TAB2: variants seen among roughly 807,000 people sequenced by gnomAD.
TAB2 encodes TGF-beta-activated kinase 1 and MAP3K7-binding protein 2.
Under a neutral mutation model 65.0 loss-of-function variants are expected in TAB2, and 3 were observed. The ratio of observed to expected loss-of-function variants is 0.05; its 90% confidence interval spans 0.02 to 0.12. The LOEUF is 0.12. TAB2 is among the 10% of genes least tolerant of loss of function. The pLI is 1.00. For synonymous variants in TAB2, 298 were observed against 285.1 expected, an observed-to-expected ratio of 1.05 and a Z score of -0.46; for missense variants, 623 against 840.3, an observed-to-expected ratio of 0.74 and a Z score of 3.20.
At chr6:149,307,021 TCA>T (rs1337947253) in intron 1 of TAB2, among the ~76,000 whole-genome samples, 1 of 152,126 alleles carries the variant, frequency 6.6e-6, no homozygotes, top group Non-Finnish European at 1.5e-5. Context: ...CTATATGAAA[TCA>T]CAGATTCCTT....
At chr6:149,226,053 G>A (rs1344709375) in intron 1 of TAB2, among the ~76,000 whole-genome samples, 2 of 152,074 alleles carry the variant, frequency 1.3e-5, no homozygotes, top group East Asian at 3.9e-4. Flanking sequence ...AACTGCCCCA[G>A]GACAAAAGCG....
At chr6:149,229,282 T>C (rs144999301) in intron 1 of TAB2, among the ~76,000 whole-genome samples, 38 of 152,160 alleles carry the variant, frequency 2.5e-4, no homozygotes, top group African/African-American at 9.2e-4. Context: ...AACACAAGAA[T>C]AAGGCTGAAA....
At chr6:149,373,667 G>A (rs1781304974) in intron 2 of TAB2, among the ~76,000 whole-genome samples, 1 of 152,156 alleles carries the variant, frequency 6.6e-6, no homozygotes. Flanking sequence ...AGAGGAACTG[G>A]AATTAATGAT....
At chr6:149,357,430 A>AAAAAAAAACACACAC in intron 1 of TAB2, among the ~76,000 whole-genome samples, 108 of 111,170 alleles carry the variant, frequency 9.7e-4, no homozygotes, top group East Asian at 2.8e-3. Context: ...AGAAAAAAAA[A>AAAAAAAAACACACAC]ACACACACAC....
chr6:149,392,412 A>T (rs1782019465), intron 3 of TAB2, among the ~76,000 whole-genome samples: 1 of 152,296 alleles, frequency 6.6e-6, no homozygotes, highest in Admixed American at 6.5e-5. Flanking sequence ...ATTTTCTTCA[A>T]CTATGAGGTG....
At chr6:149,365,641 C>A (rs551499774) in intron 1 of TAB2, among the ~76,000 whole-genome samples, 1 of 152,102 alleles carries the variant, frequency 6.6e-6, no homozygotes, top group East Asian at 1.9e-4. Flanking sequence ...TATTTTAAAT[C>A]TGTAAATTTA....
intron 1 of TAB2, among the ~76,000 whole-genome samples, chr6:149,232,596 G>A (rs190289448): frequency 9.2e-5 from 14 of 152,254 alleles, no homozygotes; most frequent in African/African-American, 3.1e-4. Context: ...GAACAAGGCC[G>A]ATGACAGGAA....
intron 1 of TAB2, among the ~76,000 whole-genome samples, chr6:149,362,836 AAAT>A (rs1562434575): frequency 6.6e-6 from 1 of 152,094 alleles, no homozygotes; most frequent in Admixed American, 6.6e-5. Context: ...GTTTTCTAGA[AAAT>A]AATTCATCTA....
intron 1 of TAB2, among the ~76,000 whole-genome samples, chr6:149,339,893 T>C (rs1182850747): frequency 2.0e-5 from 3 of 152,160 alleles, no homozygotes; most frequent in Non-Finnish European, 4.4e-5. Context: ...CCGGCCTCAA[T>C]AATTACTCTT....
At chr6:149,339,854 C>G (rs1291997501) in intron 1 of TAB2, among the ~76,000 whole-genome samples, 1 of 152,132 alleles carries the variant, frequency 6.6e-6, no homozygotes, top group African/African-American at 2.4e-5. Context: ...CCACCCGCCT[C>G]AGCCTCCCAA....
intron 6 of TAB2, 118 bp from the exon 7 acceptor site, chr6:149,409,459 C>T (rs1782770681): frequency 1.1e-6 from 1 of 879,208 alleles, no homozygotes; most frequent in African/African-American, 1.7e-5. Context: ...CAGCTAGATG[C>T]CCCATTTGGG....
intron 1 of TAB2, among the ~76,000 whole-genome samples, chr6:149,303,203 T>C (rs187120145): frequency 3.9e-5 from 6 of 152,370 alleles, no homozygotes; most frequent in Admixed American, 3.3e-4. Context: ...TTTCATTATA[T>C]ATTACAATGC....
intron 3 of TAB2, among the ~76,000 whole-genome samples, chr6:149,388,259 A>G (rs1229367574): frequency 1.3e-5 from 2 of 152,206 alleles, no homozygotes; most frequent in African/African-American, 2.4e-5. Context: ...CCAAGGAAAC[A>G]TAGTGGGTGA....
chr6:149,376,929 A>C lies in TAB2; in HGVS notation c.103-1089A>C, dbSNP rs557066144. 5.4e-5 allele frequency among the ~76,000 whole-genome samples: 8 copies of C among 148,812 alleles called. No individual in the cohort carries two copies. In the East Asian group the frequency reaches 1.6e-3, roughly 30 times the overall value. ...AGTAGATTTTTATGATGTTATCTAA[A>C]GGCAGAGATAGGAGCTAGTTCTTCT... is the stretch of plus-strand genomic sequence containing the variant. On this transcript the variant is annotated intron_variant, in intron 2 of 6. Coordinates refer to ENST00000637181, the MANE Select transcript of TAB2 (RefSeq NM_001292034.3).
At chr6:149,333,553 A>G (rs114268720) in intron 1 of TAB2, among the ~76,000 whole-genome samples, 33 of 152,274 alleles carry the variant, frequency 2.2e-4, no homozygotes, top group African/African-American at 7.7e-4. Flanking sequence ...TGGTAGATGT[A>G]TAGGCCAAGT....
chr6:149,393,796 A>G (rs924918511), intron 3 of TAB2, among the ~76,000 whole-genome samples: 1 of 151,664 alleles, frequency 6.6e-6, no homozygotes, highest in Admixed American at 6.5e-5. Context: ...TCCTTTTATC[A>G]TTAAGTAAAG....
At chr6:149,359,811 C>A (rs1486552137) in intron 1 of TAB2, among the ~76,000 whole-genome samples, 1 of 152,158 alleles carries the variant, frequency 6.6e-6, no homozygotes, top group Non-Finnish European at 1.5e-5. Flanking sequence ...CAAAGTCAAT[C>A]ATTTTTTCAT....
At chr6:149,353,890 G>C (rs1442669506) in intron 1 of TAB2, among the ~76,000 whole-genome samples, 1 of 152,054 alleles carries the variant, frequency 6.6e-6, no homozygotes, top group Admixed American at 6.6e-5. Flanking sequence ...TTGTGTATTT[G>C]TGTGTGTATA....
chr6:149,251,324 C>A (rs1013862674), intron 1 of TAB2, among the ~76,000 whole-genome samples: 1 of 152,188 alleles, frequency 6.6e-6, no homozygotes, highest in African/African-American at 2.4e-5. Flanking sequence ...CTGGGGGAAG[C>A]TGGACTCCAG....
Sources: gnomAD v4.1 joint callset for allele counts (sites outside exome capture counted in the v4.1 genomes callset) on GRCh38, gnomAD v4.1.1 for gene constraint, MANE v1.5 for transcripts, NCBI Gene and HGNC (gene_info 2026-07-23, HGNC 2026-07-21) for gene names.